NAALADL2: variants seen among roughly 807,000 people sequenced by gnomAD.
The protein encoded by NAALADL2 is N-acetylated alpha-linked acidic dipeptidase like 2.
In NAALADL2, 76 loss-of-function variants were observed where a neutral mutation model predicts 87.2. The ratio of observed to expected loss-of-function variants is 0.87; its 90% CI spans 0.72 to 1.05. The LOEUF is 1.05. Among genes scored for constraint, NAALADL2 ranks in the 50% least tolerant of loss-of-function variants. The probability of loss-of-function intolerance (pLI) is 0.00; values close to 1 mark genes in which losing one functional copy is unlikely to be tolerated. For synonymous variants in NAALADL2, 354 were observed against 331.0 expected (o/e 1.07, Z -0.75); for missense variants, 1,089 against 945.8 (o/e 1.15, Z -1.99).
chr3:175,772,232 T>C (rs1238120302), intron 13 of NAALADL2, among the ~76,000 whole-genome samples: 1 of 152,168 alleles, frequency 6.6e-6, no homozygotes, highest in Non-Finnish European at 1.5e-5. Context: ...ATGGCTTTCT[T>C]CTGAATAGAT....
intron 4 of NAALADL2, among the ~76,000 whole-genome samples, chr3:175,303,867 C>G (rs1405503964): frequency 6.6e-6 from 1 of 152,178 alleles, no homozygotes; most frequent in South Asian, 2.1e-4. Context: ...TACTAGAGTC[C>G]TTTCTAGAAG....
chr3:174,832,065 G>C lies in NAALADL2; in HGVS notation c.-9+94319G>C, dbSNP rs548505747. 3.3e-5 allele frequency among the ~76,000 whole-genome samples: 5 copies of C among 152,088 alleles called. No homozygotes were observed. The South Asian group carries it at 1.0e-3, about 32-fold the overall frequency. On this transcript the variant is annotated intron_variant, in intron 3 of 3. Coordinates refer to the NAALADL2 transcript ENST00000434257. The stretch of plus-strand genomic sequence containing the variant: ...TGATCCTTTCAAAAAACCAGCTCCT[G>C]GGTTCATTAATTTTTTGAAGGGTTT...
chr3:175,753,032 G>A (rs1018948599), intron 12 of NAALADL2, among the ~76,000 whole-genome samples: 2 of 152,070 alleles, frequency 1.3e-5, no homozygotes, highest in Admixed American at 6.6e-5. Context: ...AAATTATTCA[G>A]GAGCTAGATT....
chr3:175,761,225 A>G (rs1048376286), intron 13 of NAALADL2, among the ~76,000 whole-genome samples: 1 of 150,314 alleles, frequency 6.7e-6, no homozygotes, highest in African/African-American at 2.5e-5. Flanking sequence ...ATTCCTCCCT[A>G]CTAAACCTCT....
chr3:175,024,479 A>G (rs373602908), intron 1 of NAALADL2, among the ~76,000 whole-genome samples: 1 of 152,256 alleles, frequency 6.6e-6, no homozygotes, highest in East Asian at 1.9e-4. Context: ...GGTGGATGAT[A>G]TCTTAAAGAG....
chr3:175,199,339 A>T (rs1993741), intron 2 of NAALADL2, among the ~76,000 whole-genome samples: 56,805 of 151,830 alleles, frequency 0.37, 11,820 homozygotes, highest in East Asian at 0.53. Context: ...TTTTTTTCTC[A>T]GCTGTCTTTA....
intron 2 of NAALADL2, among the ~76,000 whole-genome samples, chr3:175,149,355 T>G (rs560993450): frequency 2.0e-5 from 3 of 152,160 alleles, no homozygotes; most frequent in Non-Finnish European, 4.4e-5. Flanking sequence ...TTTCATAAAC[T>G]GAGGCCTATT....
Position 175,803,282 on chromosome 3 carries a change from G to A in NAALADL2, c.*79G>A. 2 of 1,020,344 alleles carry A rather than the reference G, an allele frequency of 2.0e-6. No homozygotes were observed. Among genetic ancestry groups the A allele is most frequent in the South Asian group, 3.5e-5 (2 of 56,754 alleles). 63.2% of individuals were successfully genotyped at this position (1,020,344 alleles called of 1,614,324 possible). ...TAATTTAACCAGATTTTCTGACATT[G>A]AAGGCTTATTTTCCCCAATGGCTTT... On this transcript the variant is annotated 3_prime_UTR_variant, in exon 14 of 14. Transcript: ENST00000454872.
intron 1 of NAALADL2, among the ~76,000 whole-genome samples, chr3:175,018,273 C>T (rs989942134): frequency 3.9e-5 from 6 of 152,052 alleles, no homozygotes; most frequent in Non-Finnish European, 8.8e-5. Context: ...TTATAAAGTC[C>T]TGTATATTTG....
chr3:174,996,996 GT>G (rs1560456907), intron 1 of NAALADL2, among the ~76,000 whole-genome samples: 330 of 11,706 alleles, frequency 0.028, 1 homozygote, highest in Middle Eastern at 0.17. Context: ...TCCAAGGGGT[GT>G]GTGTGTGTGT....
chr3:175,293,162 C>T (rs77844306), intron 4 of NAALADL2, among the ~76,000 whole-genome samples: 5,633 of 149,430 alleles, frequency 0.038, 362 homozygotes, highest in African/African-American at 0.13. Flanking sequence ...CTAACTCCAA[C>T]TAATTATCTT....
intron 2 of NAALADL2, among the ~76,000 whole-genome samples, chr3:175,175,169 TAATC>T (rs955689912): frequency 2.6e-5 from 4 of 152,034 alleles, no homozygotes; most frequent in African/African-American, 9.7e-5. Flanking sequence ...AGAGCTAAAA[TAATC>T]AATTACCCTT....
chr3:175,480,004 G>A (rs1231919024), intron 9 of NAALADL2, among the ~76,000 whole-genome samples: 1 of 151,674 alleles, frequency 6.6e-6, no homozygotes, highest in Non-Finnish European at 1.5e-5. Flanking sequence ...ACTGATGTAG[G>A]GAAGAGGAAG....
intron 1 of NAALADL2, among the ~76,000 whole-genome samples, chr3:174,997,828 A>C (rs1747716105): frequency 6.9e-6 from 1 of 143,970 alleles, no homozygotes; most frequent in Admixed American, 6.7e-5. Flanking sequence ...AAAAAACCAA[A>C]AAGCAAACAA....
chr3:174,675,162 C>T (rs993397252), intron 2 of NAALADL2, among the ~76,000 whole-genome samples: 1 of 151,946 alleles, frequency 6.6e-6, no homozygotes, highest in African/African-American at 2.4e-5. Flanking sequence ...ATGGTTTGTT[C>T]CTTTAGCAAC....
chr3:175,466,945 T>G (rs777481173), intron 7 of NAALADL2, 34 bp from the exon 8 acceptor site: 2 of 1,520,526 alleles, frequency 1.3e-6, no homozygotes, highest in Admixed American at 1.7e-5. Context: ...GGTTTACATT[T>G]TTTTAAATGG....
intron 2 of NAALADL2, among the ~76,000 whole-genome samples, chr3:174,558,144 C>G (rs35090861): frequency 1.3e-5 from 2 of 152,112 alleles, no homozygotes; most frequent in Non-Finnish European, 2.9e-5. Context: ...AATGGGAACA[C>G]TTCTGATATC....
At chr3:175,423,981 C>T (rs1716330413) in intron 5 of NAALADL2, among the ~76,000 whole-genome samples, 1 of 152,172 alleles carries the variant, frequency 6.6e-6, no homozygotes, top group African/African-American at 2.4e-5. Context: ...GATGGCATCT[C>T]ATTGTGGTTT....
intron 5 of NAALADL2, among the ~76,000 whole-genome samples, chr3:175,426,442 A>C (rs1161772814): frequency 1.3e-5 from 2 of 152,198 alleles, no homozygotes; most frequent in African/African-American, 2.4e-5. Flanking sequence ...CTTAAAGGCA[A>C]GGTTGTTTAT....
Sources: gnomAD v4.1 joint callset for allele counts (sites outside exome capture counted in the v4.1 genomes callset) on GRCh38, gnomAD v4.1.1 for gene constraint, MANE v1.5 for transcripts, NCBI Gene and HGNC (gene_info 2026-07-23, HGNC 2026-07-21) for gene names.